Variants in MSRA observed in about 807,000 individuals in gnomAD.
The protein encoded by MSRA is methionine sulfoxide reductase A.
A neutral mutation model predicts 31.3 loss-of-function variants in MSRA; 54 were observed. The observed-to-expected ratio is 1.73, with a 90% CI of 1.39 to 2.17. MSRA has a LOEUF of 2.17. MSRA is among the 30% of genes most tolerant of loss of function. The pLI, the probability that MSRA is intolerant of heterozygous loss-of-function variation, is 0.00. For synonymous variants in MSRA, 169 were observed against 116.5 expected, an observed-to-expected ratio of 1.45 and a Z score of -2.90; for missense variants, 507 against 300.9, an observed-to-expected ratio of 1.69 and a Z score of -5.07.
intron 5 of MSRA, among the ~76,000 whole-genome samples, chr8:10,345,755 A>T (rs1016589443): frequency 6.6e-6 from 1 of 152,200 alleles, no homozygotes; most frequent in Non-Finnish European, 1.5e-5. Flanking sequence ...AGCTCACTCT[A>T]AAAAGGCCTG....
At chr8:10,105,698 G>C (rs779467806) in intron 1 of MSRA, among the ~76,000 whole-genome samples, 2 of 152,132 alleles carry the variant, frequency 1.3e-5, no homozygotes, top group African/African-American at 2.4e-5. Context: ...CTAACCAGTA[G>C]TCTTGCTAAC....
chr8:10,144,059 C>T (rs1459793564), intron 1 of MSRA, among the ~76,000 whole-genome samples: 1 of 152,072 alleles, frequency 6.6e-6, no homozygotes, highest in Non-Finnish European at 1.5e-5. Context: ...CTGGTGGTAA[C>T]AGTACCCAGA....
chr8:10,414,938 G>A (rs1023557124), intron 5 of MSRA, among the ~76,000 whole-genome samples: 6 of 152,084 alleles, frequency 3.9e-5, no homozygotes, highest in Admixed American at 6.5e-5. Context: ...CATGTCTCCC[G>A]AAACTGAAAG....
chr8:10,062,375 G>A (rs1195905657), intron 1 of MSRA, among the ~76,000 whole-genome samples: 3 of 152,186 alleles, frequency 2.0e-5, no homozygotes, highest in African/African-American at 7.2e-5. Flanking sequence ...TCTTCTACAT[G>A]CTGCTCTTAT....
chr8:10,101,307 A>T (rs190693451), intron 1 of MSRA, among the ~76,000 whole-genome samples: 6 of 152,340 alleles, frequency 3.9e-5, no homozygotes, highest in African/African-American at 1.4e-4. Flanking sequence ...GGTATGTAGT[A>T]AATACTTAAT....
At chr8:10,272,518 C>T (rs1172333860) in intron 3 of MSRA, among the ~76,000 whole-genome samples, 1 of 152,166 alleles carries the variant, frequency 6.6e-6, no homozygotes, top group Non-Finnish European at 1.5e-5. Context: ...GAGGACCATC[C>T]ACATCAAGGA....
At chr8:10,357,824 G>C (rs1451154517) in intron 5 of MSRA, among the ~76,000 whole-genome samples, 1 of 152,188 alleles carries the variant, frequency 6.6e-6, no homozygotes, top group East Asian at 1.9e-4. Context: ...CAAATACTGT[G>C]AGTTCAAACT....
chr8:10,300,338 C>T (rs1800775920), intron 3 of MSRA, among the ~76,000 whole-genome samples: 1 of 152,048 alleles, frequency 6.6e-6, no homozygotes, highest in African/African-American at 2.4e-5. Flanking sequence ...TTACTGCAAC[C>T]TCCACCTCTC....
intron 5 of MSRA, among the ~76,000 whole-genome samples, chr8:10,425,023 C>T (rs1443117015): frequency 6.6e-6 from 1 of 152,180 alleles, no homozygotes; most frequent in Non-Finnish European, 1.5e-5. Context: ...GAGTGACTTG[C>T]AAGTGAGGCA....
At position 10,391,159 on chromosome 8, in the gene MSRA, C is replaced by A. The variant is rs1451319576; in HGVS notation, c.544-36989C>A. 5.9e-5 allele frequency among the ~76,000 whole-genome samples: 9 copies of A among 152,280 alleles called. No homozygotes were observed. In the East Asian group the frequency reaches 1.7e-3, roughly 29 times the overall value. The stretch of plus-strand genomic sequence containing the variant: ...AAGAACACTTTTATAGAAATGTTAA[C>A]CTCATTTGCATTGGCTTTTGTATCT... On this transcript the variant is annotated intron_variant, in intron 5 of 5. Coordinates refer to ENST00000317173, the MANE Select transcript of MSRA (RefSeq NM_012331.5).
chr8:10,412,123 TAAA>T (rs931030542), intron 5 of MSRA, among the ~76,000 whole-genome samples: 1 of 152,252 alleles, frequency 6.6e-6, no homozygotes, highest in Non-Finnish European at 1.5e-5. Flanking sequence ...TCGCCATTCA[TAAA>T]GAAGGGATTG....
chr8:10,138,343 C>T (rs17151188), intron 1 of MSRA, among the ~76,000 whole-genome samples: 34,085 of 151,974 alleles, frequency 0.22, 4,092 homozygotes, highest in East Asian at 0.38. Context: ...CCGCGGGACA[C>T]GGTGTGGATG....
intron 1 of MSRA, among the ~76,000 whole-genome samples, chr8:10,064,033 C>T (rs1047968154): frequency 2.0e-5 from 3 of 152,146 alleles, no homozygotes; most frequent in African/African-American, 7.2e-5. Flanking sequence ...TGCTTTCATT[C>T]CAGTGTCTCT....
intron 5 of MSRA, among the ~76,000 whole-genome samples, chr8:10,355,539 G>A (rs1256550394): frequency 2.0e-5 from 3 of 152,196 alleles, no homozygotes; most frequent in African/African-American, 7.2e-5. Flanking sequence ...GAAAAGAACT[G>A]CAGTGAGGTT....
At chr8:10,077,144 T>C (rs1798032368) in intron 1 of MSRA, among the ~76,000 whole-genome samples, 1 of 150,254 alleles carries the variant, frequency 6.7e-6, no homozygotes, top group African/African-American at 2.5e-5. Context: ...CCAAGAGAAA[T>C]GAGAACATCA....
At chr8:10,411,784 G>A (rs889688205) in intron 5 of MSRA, among the ~76,000 whole-genome samples, 2 of 152,220 alleles carry the variant, frequency 1.3e-5, no homozygotes, top group African/African-American at 4.8e-5. Context: ...AATTACAATT[G>A]CTTTTTAAGC....
chr8:10,427,141 G>A (rs1430661221), intron 5 of MSRA, among the ~76,000 whole-genome samples: 2 of 152,210 alleles, frequency 1.3e-5, no homozygotes, highest in Non-Finnish European at 2.9e-5. Flanking sequence ...TCAGAGTGTG[G>A]TTGGTCCCCT....
At chr8:10,057,720 C>T (rs866653631) in intron 1 of MSRA, among the ~76,000 whole-genome samples, 19 of 152,134 alleles carry the variant, frequency 1.2e-4, no homozygotes, top group African/African-American at 2.4e-4. Flanking sequence ...TGCCCCTTTG[C>T]GCTCTCTCGT....
intron 1 of MSRA, among the ~76,000 whole-genome samples, chr8:10,063,560 C>T (rs762680596): frequency 1.2e-4 from 19 of 152,164 alleles, no homozygotes; most frequent in South Asian, 2.1e-4. Context: ...TCCTCACCCC[C>T]CCAGGTGATG....
Sources: gnomAD v4.1 joint callset for allele counts (sites outside exome capture counted in the v4.1 genomes callset) on GRCh38, gnomAD v4.1.1 for gene constraint, MANE v1.5 for transcripts, NCBI Gene and HGNC (gene_info 2026-07-23, HGNC 2026-07-21) for gene names.